The following LEPR variants were observed in gnomAD, a reference collection of about 807,000 sequenced individuals.
LEPR encodes leptin receptor, also known as OB receptor.
A neutral mutation model predicts 114.7 loss-of-function variants in LEPR; 56 were observed. The observed-to-expected ratio is 0.49, with a 90% confidence interval of 0.39 to 0.61. The LOEUF (loss-of-function observed/expected upper bound fraction) is 0.61, where lower values mean the gene tolerates loss of function less well. LEPR is among the 20% of genes least tolerant of loss of function. The pLI, the probability that LEPR is intolerant of heterozygous loss-of-function variation, is 0.00. For synonymous variants in LEPR, 443 were observed against 461.4 expected (o/e 0.96, Z 0.51); for missense variants, 1,202 against 1,352.9 (o/e 0.89, Z 1.75).
At chr1:65,619,556 T>C (rs146050972) in intron 16 of LEPR, among the ~76,000 whole-genome samples, 20 of 152,238 alleles carry the variant, frequency 1.3e-4, no homozygotes, top group African/African-American at 4.3e-4. Flanking sequence ...AAAAGGAGTA[T>C]TGCCCACTTT....
intron 2 of LEPR, among the ~76,000 whole-genome samples, chr1:65,498,623 T>C (rs1648287232): frequency 6.6e-6 from 1 of 152,124 alleles, no homozygotes; most frequent in Non-Finnish European, 1.5e-5. Flanking sequence ...ATTTATTATA[T>C]AAACAGAAGA....
At chr1:65,449,695 T>C (rs1256701687) in intron 2 of LEPR, among the ~76,000 whole-genome samples, 3 of 152,046 alleles carry the variant, frequency 2.0e-5, no homozygotes, top group Non-Finnish European at 4.4e-5. Context: ...TTTTTTTTTT[T>C]TTTAAATAGC....
intron 1 of LEPR, chr1:65,421,225 A>G: frequency 7.9e-7 from 1 of 1,260,020 alleles, no homozygotes; most frequent in Non-Finnish European, 1.1e-6. Flanking sequence ...GGCGGGTGTC[A>G]ATGGAAAGCA....
chr1:65,626,258 C>A, intron 19 of LEPR: 1 of 1,373,512 alleles, frequency 7.3e-7, no homozygotes. Flanking sequence ...TCTGACAGAC[C>A]TTATATACAA....
chr1:65,627,845 A>G (rs1658307751), intron 19 of LEPR, among the ~76,000 whole-genome samples: 1 of 152,186 alleles, frequency 6.6e-6, no homozygotes, highest in Non-Finnish European at 1.5e-5. Context: ...TTTCTATATC[A>G]AGTGTTTCCT....
At chr1:65,500,976 T>A (rs1184015220) in intron 2 of LEPR, among the ~76,000 whole-genome samples, 2 of 152,068 alleles carry the variant, frequency 1.3e-5, no homozygotes, top group Non-Finnish European at 1.5e-5. Flanking sequence ...AATAATAAAG[T>A]TCTATACATT....
At chr1:65,539,003 GA>G (rs1247098313) in intron 2 of LEPR, among the ~76,000 whole-genome samples, 1 of 148,036 alleles carries the variant, frequency 6.8e-6, no homozygotes, top group Non-Finnish European at 1.5e-5. Flanking sequence ...CTGTTGGTTG[GA>G]TTTGGGTCTC....
intron 2 of LEPR, among the ~76,000 whole-genome samples, chr1:65,508,836 A>G (rs1329729228): frequency 6.6e-6 from 1 of 152,144 alleles, no homozygotes; most frequent in African/African-American, 2.4e-5. Context: ...ATATCTTTCC[A>G]TTTATTTGTA....
In LEPR at chr1:65,639,632, G is replaced by A. The variant is rs1658811448; in HGVS notation, c.*2617G>A. ...AAGGAGGAGCTGAAATAGGGGCTAT[G>A]GTCTTTTAAACTTATAAATCTGGAA... On this transcript the variant is annotated 3_prime_UTR_variant, in exon 20 of 20. Coordinates refer to ENST00000349533, the MANE Select transcript of LEPR (RefSeq NM_002303.6). 1 of 152,200 alleles carries A rather than the reference G, an allele frequency of 6.6e-6. No homozygotes were observed. 9.4% of individuals were successfully genotyped at this position (152,200 alleles called of 1,614,324 possible).
At chr1:65,436,503 A>G (rs1486401242) in intron 2 of LEPR, among the ~76,000 whole-genome samples, 1 of 152,254 alleles carries the variant, frequency 6.6e-6, no homozygotes, top group African/African-American at 2.4e-5. Flanking sequence ...AGCTAAGTGT[A>G]AAGTTAAACT....
intron 2 of LEPR, among the ~76,000 whole-genome samples, chr1:65,512,464 T>C (rs2100556213): frequency 6.6e-6 from 1 of 152,306 alleles, no homozygotes; most frequent in South Asian, 2.1e-4. Flanking sequence ...AGCAGTAGAC[T>C]AATTCCTGAG....
In LEPR at chr1:65,570,569, A is replaced by T; in HGVS notation, c.137A>T (p.Tyr46Phe). 6.2e-7 allele frequency: 1 copy of T among 1,613,996 alleles called. No homozygotes were observed. Among genetic ancestry groups the T allele is most frequent in the Non-Finnish European group, 8.5e-7 (1 of 1,179,938 alleles). ...ATGCCACCAAATTCAACCTATGACT[A>T]CTTCCTTTTGCCTGCTGGACTCTCA... Reference protein sequence around the residue: ...SCMPPNSTYDYFLLPAGLSKN... With the variant: ...SCMPPNSTYDFFLLPAGLSKN... Residue 46 changes from tyrosine to phenylalanine, a missense_variant, in exon 4 of 20, where the codon TAC (tyrosine) becomes TTC (phenylalanine). Tyr to Phe is a conservative substitution (Grantham distance 22). Coordinates refer to ENST00000349533, the MANE Select transcript of LEPR (RefSeq NM_002303.6).
At chr1:65,629,271 T>G (rs1278976191) in intron 19 of LEPR, 1 of 386,834 alleles carries the variant, frequency 2.6e-6, no homozygotes, top group Non-Finnish European at 5.0e-6. Flanking sequence ...ACTCTTACGC[T>G]TCCCTCCATT....
rs1429870996 is a variant in LEPR at position 65,605,202 on chromosome 1, A to G, written c.1568A>G (p.Asp523Gly). The G allele has an allele frequency of 1.9e-6, 3 of 1,613,776 alleles. No homozygotes were observed. The Admixed American group carries it at 5.0e-5, about 27-fold the overall frequency. Residue 523 changes from aspartate to glycine, a missense_variant, in exon 11 of 20, where the codon GAC becomes GGC. Asp to Gly is a moderately conservative substitution (Grantham distance 94). Transcript: ENST00000349533. ...IRINHSLGSL[D>G]SPPTCVLPDS... ...ATCAATCACTCTCTAGGTTCACTTG[A>G]CTCTCCACCAACATGTGTCCTTCCT...
intron 2 of LEPR, among the ~76,000 whole-genome samples, chr1:65,530,649 T>A (rs1270666596): frequency 6.6e-6 from 1 of 152,174 alleles, no homozygotes; most frequent in East Asian, 1.9e-4. Context: ...CAGACGTCAC[T>A]CTCGTCATCA....
chr1:65,451,004 G>C (rs1358343184), intron 2 of LEPR, among the ~76,000 whole-genome samples: 1 of 149,824 alleles, frequency 6.7e-6, no homozygotes, highest in Non-Finnish European at 1.5e-5. Context: ...TTGTGGTTTT[G>C]ATTTGCATTT....
At chr1:65,517,669 T>C (rs1224002506) in intron 2 of LEPR, among the ~76,000 whole-genome samples, 1 of 152,240 alleles carries the variant, frequency 6.6e-6, no homozygotes, top group African/African-American at 2.4e-5. Flanking sequence ...TAGTCTTCGA[T>C]GTGGTAGGGG....
At chr1:65,604,135 GT>G (rs1471861205) in intron 10 of LEPR, among the ~76,000 whole-genome samples, 1 of 151,864 alleles carries the variant, frequency 6.6e-6, no homozygotes, top group Non-Finnish European at 1.5e-5. Context: ...TGTAGGTTCT[GT>G]CTCTAACTGG....
chr1:65,594,340 T>A (rs1655905280), intron 6 of LEPR, among the ~76,000 whole-genome samples: 1 of 151,924 alleles, frequency 6.6e-6, no homozygotes, highest in South Asian at 2.1e-4. Flanking sequence ...TATGAGAGTA[T>A]TAAGGGATGA....
Sources: gnomAD v4.1 joint callset for allele counts (sites outside exome capture counted in the v4.1 genomes callset) on GRCh38, gnomAD v4.1.1 for gene constraint, MANE v1.5 for transcripts, NCBI Gene and HGNC (gene_info 2026-07-23, HGNC 2026-07-21) for gene names.